Variants in TPD52 observed in about 807,000 individuals in gnomAD.
The protein encoded by TPD52 is prostate and colon associated protein.
In TPD52, 17 loss-of-function variants were observed where a neutral mutation model predicts 31.3. The ratio of observed to expected loss-of-function variants is 0.54; its 90% CI spans 0.37 to 0.82. The LOEUF (loss-of-function observed/expected upper bound fraction) is 0.82. Among genes scored for constraint, TPD52 ranks in the 40% least tolerant of loss-of-function variants. The pLI, the probability that TPD52 is intolerant of heterozygous loss-of-function variation, is 0.00. For synonymous variants in TPD52, 83 were observed against 89.6 expected (o/e 0.93, Z 0.42); for missense variants, 212 against 240.1 (o/e 0.88, Z 0.77).
At chr8:80,140,742 G>A (rs952272830) in intron 1 of TPD52, among the ~76,000 whole-genome samples, 1 of 152,088 alleles carries the variant, frequency 6.6e-6, no homozygotes, top group Non-Finnish European at 1.5e-5. Context: ...TACGTAAAAG[G>A]GTTAGCTGCA....
At chr8:80,110,355 A>C (rs1424907244) in intron 1 of TPD52, among the ~76,000 whole-genome samples, 1 of 152,140 alleles carries the variant, frequency 6.6e-6, no homozygotes, top group Non-Finnish European at 1.5e-5. Flanking sequence ...TGATTAGAAA[A>C]AAAATGAGAT....
intron 1 of TPD52, among the ~76,000 whole-genome samples, chr8:80,141,766 T>C (rs1467595251): frequency 6.6e-6 from 1 of 151,906 alleles, no homozygotes; most frequent in Non-Finnish European, 1.5e-5. Context: ...AAAAATTAGC[T>C]GGGCATGGTG....
intron 1 of TPD52, among the ~76,000 whole-genome samples, chr8:80,154,939 G>GT (rs869211293): frequency 3.7e-4 from 56 of 150,264 alleles, no homozygotes; most frequent in African/African-American, 1.3e-3. Flanking sequence ...TATTATAATT[G>GT]TTTTTTGGGG....
At chr8:80,067,622 A>G (rs1358213758) in intron 1 of TPD52, among the ~76,000 whole-genome samples, 1 of 152,136 alleles carries the variant, frequency 6.6e-6, no homozygotes, top group East Asian at 1.9e-4. Flanking sequence ...CCAGGTTAAC[A>G]CACCTAAATC....
intron 1 of TPD52, among the ~76,000 whole-genome samples, chr8:80,152,141 C>T (rs901312868): frequency 2.7e-5 from 4 of 150,878 alleles, no homozygotes; most frequent in South Asian, 2.1e-4. Flanking sequence ...AGTAACAGCT[C>T]GAGAAAGGGA....
intron 1 of TPD52, chr8:80,080,568 C>G: frequency 6.9e-7 from 1 of 1,453,076 alleles, no homozygotes; most frequent in South Asian, 1.6e-5. Context: ...AAATCAACCC[C>G]AGGAGTTAGA....
intron 1 of TPD52, 50 bp from the exon 2 acceptor site, chr8:80,064,643 C>T (rs1300469374): frequency 1.4e-6 from 2 of 1,399,216 alleles, no homozygotes; most frequent in East Asian, 2.3e-5. Flanking sequence ...TAAGTAAAAT[C>T]CCTATTTAAG....
At chr8:80,053,024 A>G in intron 3 of TPD52, 1 of 334,722 alleles carries the variant, frequency 3.0e-6, no homozygotes, top group Non-Finnish European at 5.5e-6. Context: ...TGGCAAGTCA[A>G]TACATAACAC....
intron 1 of TPD52, among the ~76,000 whole-genome samples, chr8:80,166,701 C>T (rs113269817): frequency 1.3e-3 from 190 of 151,620 alleles, no homozygotes; most frequent in Non-Finnish European, 2.1e-3. Context: ...GTCAGGAGTT[C>T]GAGACCAGCC....
chr8:80,104,169 G>A (rs28574637), intron 1 of TPD52, among the ~76,000 whole-genome samples: 17,608 of 152,068 alleles, frequency 0.12, 3,373 homozygotes, highest in African/African-American at 0.4. Context: ...CCATCCAGGA[G>A]TGTCCTGAAG....
chr8:80,038,154 T>C lies in TPD52; in HGVS notation c.586A>G (p.Thr196Ala). ...TGTGTCTTTTCTGGAAGAGGCTCCG[T>C]GGTGGTGGCACTAGCATTTGCAGCC... Reference protein sequence around the residue: ...NSAANASATTTEPLPEKTQES... With the variant: ...NSAANASATTAEPLPEKTQES... The change falls in exon 8 of 8, where the codon ACG becomes GCG. Residue 196 changes from threonine to alanine, a missense_variant. Transcript: ENST00000518937. 1 of 1,614,134 alleles carries C rather than the reference T, an allele frequency of 6.2e-7. No individual in the cohort carries two copies. Among genetic ancestry groups the C allele is most frequent in the Non-Finnish European group, 8.5e-7 (1 of 1,179,988 alleles).
intron 1 of TPD52, among the ~76,000 whole-genome samples, chr8:80,090,738 C>G (rs765908635): frequency 6.6e-6 from 1 of 151,856 alleles, no homozygotes; most frequent in Non-Finnish European, 1.5e-5. Flanking sequence ...TCTTTGGAGC[C>G]TCTTCTCTAG....
At chr8:80,155,403 G>C (rs1452980033) in intron 1 of TPD52, among the ~76,000 whole-genome samples, 1 of 152,072 alleles carries the variant, frequency 6.6e-6, no homozygotes, top group Non-Finnish European at 1.5e-5. Flanking sequence ...AGGTATGAGA[G>C]GGCAAAAAGG....
rs1157997730 is a variant in TPD52, at chr8:80,035,177, T to C, written c.*2939A>G. On this transcript the variant is annotated 3_prime_UTR_variant, in exon 8 of 8. Transcript: ENST00000518937. ...AAAAATGTGATTTCTTCATCTGGGC[T>C]TTAAGAGCTATAAATAAAACACATG... The C allele has an allele frequency of 6.6e-6, 1 of 152,226 alleles. No individual in the cohort carries two copies. The highest frequency in any genetic ancestry group is 2.4e-5 in the African/African-American group (1 of 41,456). The allele number at this position is 152,226 out of a possible 1,614,324, so 9.4% of individuals were successfully genotyped here. A position where few individuals can be genotyped will look rare whatever the true frequency, so the allele number is the denominator to read the frequency against.
rs1484778004 is a variant in TPD52 at position 80,072,398 on chromosome 8, CAT to C, written c.20-7807_20-7806del. ...AGATATGCGTGTATATACATGTACACATAGATATGCGTGTATATACATGTACA... is the reference window on the plus strand; with the variant it reads ...AGATATGCGTGTATATACATGTACACAGATATGCGTGTATATACATGTACA... On this transcript the variant is annotated intron_variant, in intron 1 of 7. Transcript: ENST00000518937. Among the ~76,000 whole-genome samples, 16 of 139,978 alleles carry C rather than the reference CAT, an allele frequency of 1.1e-4. No homozygotes were observed. The South Asian group carries it at 2.8e-3, about 25-fold the overall frequency. The allele number at this position is 139,978 out of a possible 152,430, so 91.8% of individuals were successfully genotyped here.
chr8:80,094,291 T>C (rs1816516686), intron 1 of TPD52, among the ~76,000 whole-genome samples: 1 of 151,472 alleles, frequency 6.6e-6, no homozygotes, highest in South Asian at 2.1e-4. Context: ...TTTAATAATC[T>C]TACTTAATAT....
chr8:80,089,963 A>G (rs1172415513), intron 1 of TPD52, among the ~76,000 whole-genome samples: 1 of 152,244 alleles, frequency 6.6e-6, no homozygotes, highest in Non-Finnish European at 1.5e-5. Flanking sequence ...AAGAGACGCA[A>G]GAAGAAGCCA....
intron 2 of TPD52, among the ~76,000 whole-genome samples, chr8:80,062,427 T>C (rs1335437598): frequency 2.0e-5 from 3 of 152,262 alleles, no homozygotes; most frequent in East Asian, 3.9e-4. Flanking sequence ...GCCAACACTA[T>C]AAAAGTCTTA....
chr8:80,139,531 A>T (rs1219852908), intron 1 of TPD52, among the ~76,000 whole-genome samples: 1 of 151,740 alleles, frequency 6.6e-6, no homozygotes, highest in Non-Finnish European at 1.5e-5. Flanking sequence ...ACAGTTAATA[A>T]TTACCCACTC....
Sources: allele counts gnomAD v4.1 joint callset (sites outside exome capture counted in the v4.1 genomes callset), GRCh38; gene constraint gnomAD v4.1.1; transcripts MANE v1.5; gene names NCBI Gene and HGNC (gene_info 2026-07-23, HGNC 2026-07-21).